Variants in IL1RAPL2 observed in about 807,000 individuals in gnomAD.
IL1RAPL2 encodes the protein X-linked interleukin-1 receptor accessory protein-like 2.
IL1RAPL2 carries 3 observed loss-of-function variants against 44.1 expected under a neutral mutation model. That is an observed-to-expected ratio of 0.07 (90% CI 0.03 to 0.18). The LOEUF (loss-of-function observed/expected upper bound fraction) is 0.18, where lower values mean the gene tolerates loss of function less well. Ranked by LOEUF, IL1RAPL2 falls within the 10% of genes least tolerant of loss-of-function variation. IL1RAPL2 has a pLI of 1.00. For missense variants in IL1RAPL2, 391 were observed against 496.4 expected (o/e 0.79, Z 2.02); for synonymous variants, 181 against 178.8 (o/e 1.01, Z -0.10).
chrX:105,321,884 A>T (rs2034899899), intron 5 of IL1RAPL2, among the ~76,000 whole-genome samples: 1 of 113,067 alleles, frequency 8.8e-6, no homozygotes, highest in South Asian at 3.6e-4. Context: ...TAACCAACAC[A>T]GGGTCTCTGA....
chrX:105,104,264 A>G (rs911522873), intron 2 of IL1RAPL2, among the ~76,000 whole-genome samples: 14 of 111,405 alleles, frequency 1.3e-4, no homozygotes, highest in African/African-American at 3.6e-4. Context: ...CCCACTGATT[A>G]TTGTGCTCTG....
intron 2 of IL1RAPL2, among the ~76,000 whole-genome samples, chrX:104,720,448 T>C (rs779224159): frequency 2.7e-5 from 3 of 111,883 alleles, no homozygotes; most frequent in African/African-American, 6.5e-5. Context: ...TTAGGACAGA[T>C]GGACACATAT....
intron 2 of IL1RAPL2, among the ~76,000 whole-genome samples, chrX:105,066,572 T>A (rs2032140127): frequency 9.0e-6 from 1 of 111,434 alleles, no homozygotes; most frequent in South Asian, 3.8e-4. Context: ...AAGTACCAAC[T>A]TGAATTTAAA....
At chrX:105,739,068 A>G (rs1327873909) in intron 7 of IL1RAPL2, among the ~76,000 whole-genome samples, 1 of 111,109 alleles carries the variant, frequency 9.0e-6, no homozygotes, top group Non-Finnish European at 1.9e-5. Flanking sequence ...AAAATCTTCA[A>G]TTTGCTTCTC....
chrX:105,234,826 A>G (rs1157360152), intron 4 of IL1RAPL2, among the ~76,000 whole-genome samples: 7 of 107,343 alleles, frequency 6.5e-5, no homozygotes, highest in African/African-American at 2.1e-4. Context: ...AAAAAAAAGA[A>G]GAGAGTTGAA....
In IL1RAPL2 at chrX:105,502,724, T is replaced by G. The variant is rs768030528; in HGVS notation, c.772+18337T>G. The stretch of plus-strand genomic sequence containing the variant: ...TGGTCAGTGAAAAATACATTCTTTT[T>G]TTTTTTGTTTGTTTGCCTCTGAGAA... On this transcript the variant is annotated intron_variant, in intron 6 of 10. Coordinates refer to ENST00000372582, the MANE Select transcript of IL1RAPL2 (RefSeq NM_017416.2). Among the ~76,000 whole-genome samples the G allele has an allele frequency of 9.9e-5, 11 of 110,704 alleles. No individual in the cohort carries two copies. The South Asian group carries it at 4.2e-3, about 42-fold the overall frequency.
chrX:105,665,834 C>T (rs1323905475), intron 6 of IL1RAPL2, among the ~76,000 whole-genome samples: 2 of 105,451 alleles, frequency 1.9e-5, no homozygotes, highest in Non-Finnish European at 3.9e-5. Flanking sequence ...GCGATCTCGG[C>T]TCACTGCAAG....
At chrX:104,709,425 G>A (rs958827682) in intron 2 of IL1RAPL2, among the ~76,000 whole-genome samples, 2 of 110,369 alleles carry the variant, frequency 1.8e-5, no homozygotes, top group Non-Finnish European at 1.9e-5. Context: ...TTCACACCTC[G>A]CTTGAATGGT....
At chrX:105,650,839 T>G (rs2037637768) in intron 6 of IL1RAPL2, among the ~76,000 whole-genome samples, 1 of 111,875 alleles carries the variant, frequency 8.9e-6, no homozygotes, top group East Asian at 2.8e-4. Context: ...TCTCCCTTTA[T>G]GTAACTATGC....
intron 2 of IL1RAPL2, among the ~76,000 whole-genome samples, chrX:104,869,417 T>A (rs1185367984): frequency 1.8e-5 from 2 of 111,666 alleles, no homozygotes; most frequent in African/African-American, 6.5e-5. Flanking sequence ...ACTATAGTCA[T>A]CTTCCTGTCT....
At chrX:105,333,002 T>G (rs1418233410) in intron 5 of IL1RAPL2, among the ~76,000 whole-genome samples, 2 of 110,999 alleles carry the variant, frequency 1.8e-5, no homozygotes, top group Non-Finnish European at 3.8e-5. Flanking sequence ...TTCACAGAAA[T>G]AGAAAAAAAG....
intron 5 of IL1RAPL2, among the ~76,000 whole-genome samples, chrX:105,475,360 A>G (rs2036190843): frequency 1.8e-5 from 2 of 110,753 alleles, no homozygotes; most frequent in Admixed American, 1.9e-4. Context: ...ATCATATTAT[A>G]TTTTTAGACA....
chrX:105,044,411 C>G (rs1204290806), intron 2 of IL1RAPL2, among the ~76,000 whole-genome samples: 4 of 110,468 alleles, frequency 3.6e-5, no homozygotes, highest in Non-Finnish European at 7.6e-5. Context: ...GGGTATAACT[C>G]ATTAAAAAAA....
chrX:104,688,872 C>T lies in IL1RAPL2; in HGVS notation c.82+29877C>T, dbSNP rs1931037873. 3.6e-5 allele frequency among the ~76,000 whole-genome samples: 4 copies of T among 111,556 alleles called. No homozygotes were observed. The Admixed American group carries it at 3.8e-4, about 11-fold the overall frequency. The stretch of plus-strand genomic sequence containing the variant: ...TTCCAATTAATGGAATTCTTTAAAA[C>T]AGCTTTTTAAATTTTAAAAGTTCTA... On this transcript the variant is annotated intron_variant, in intron 2 of 10. Transcript: ENST00000372582.
rs34144319 is a variant in IL1RAPL2 at position 104,815,834 on chromosome X, ATTT to A, written c.82+156854_82+156856del. Among the ~76,000 whole-genome samples the A allele has an allele frequency of 9.7e-3, 839 of 86,460 alleles. 6 individuals carry two copies. Among genetic ancestry groups the A allele is most frequent in the African/African-American group, 0.031 (746 of 24,129 alleles). 75.1% of individuals were successfully genotyped at this position (86,460 alleles called of 115,157 possible). ...TTCTGGGACACATTCCACCCCCCTC[ATTT>A]TTTTTTTTTTTTTTGGTTCCTAGCC... On this transcript the variant is annotated intron_variant, in intron 2 of 10. Coordinates refer to ENST00000372582, the MANE Select transcript of IL1RAPL2 (RefSeq NM_017416.2).
At chrX:104,617,230 A>G (rs1273627881) in intron 1 of IL1RAPL2, among the ~76,000 whole-genome samples, 1 of 111,967 alleles carries the variant, frequency 8.9e-6, no homozygotes, top group East Asian at 2.8e-4. Context: ...TTCTGCTGAG[A>G]AGTCTGTTGT....
At chrX:105,408,415 A>G (rs1459336056) in intron 5 of IL1RAPL2, among the ~76,000 whole-genome samples, 1 of 110,439 alleles carries the variant, frequency 9.1e-6, no homozygotes, top group Non-Finnish European at 1.9e-5. Flanking sequence ...ACTCATCAAC[A>G]TGAGGCAAGG....
intron 1 of IL1RAPL2, among the ~76,000 whole-genome samples, chrX:104,631,863 A>T (rs1187494258): frequency 9.1e-6 from 1 of 109,536 alleles, no homozygotes; most frequent in Non-Finnish European, 1.9e-5. Context: ...CCATTTGTCA[A>T]TTTTGGCTTT....
chrX:105,620,772 G>T (rs2037413767), intron 6 of IL1RAPL2, among the ~76,000 whole-genome samples: 1 of 111,309 alleles, frequency 9.0e-6, no homozygotes, highest in South Asian at 3.7e-4. Flanking sequence ...TTGGAAATAA[G>T]AAGTTCAAGG....
Sources: gnomAD v4.1 joint callset for allele counts (sites outside exome capture counted in the v4.1 genomes callset) on GRCh38, gnomAD v4.1.1 for gene constraint, MANE v1.5 for transcripts, NCBI Gene and HGNC (gene_info 2026-07-23, HGNC 2026-07-21) for gene names.